Variants in TIFA observed in about 807,000 individuals in gnomAD.
TIFA encodes TRAF interacting protein with forkhead associated domain, also known as TRAF-interacting protein with FHA domain-containing protein A.
For missense variants in TIFA, 186 were observed against 215.2 expected, an observed-to-expected ratio of 0.86 and a Z score of 0.85; for synonymous variants, 75 against 79.2, an observed-to-expected ratio of 0.95 and a Z score of 0.28.
In TIFA at chr4:112,278,007, A is replaced by C; in HGVS notation, c.410T>G (p.Phe137Cys). 6.2e-7 allele frequency: 1 copy of C among 1,614,104 alleles called. No homozygotes were observed. Among genetic ancestry groups the C allele is most frequent in the South Asian group, 1.1e-5 (1 of 91,090 alleles). Residue 137 changes from phenylalanine to cysteine, a missense_variant, in exon 2 of 2, where the codon TTT becomes TGT. By Grantham distance (205) the Phe-to-Cys change is radical. Coordinates refer to ENST00000361717, the MANE Select transcript of TIFA (RefSeq NM_052864.3). ...TGGAGATAAAATAAATTGAGTCTCAAAAAATTCCAATGACTCGCCATCTTC... is the reference window on the plus strand; with the variant it reads ...TGGAGATAAAATAAATTGAGTCTCACAAAATTCCAATGACTCGCCATCTTC... ...EKEDGESLEF[F>C]ETQFILSPRS...
intron 1 of TIFA, among the ~76,000 whole-genome samples, chr4:112,284,474 G>C (rs1212029125): frequency 2.6e-5 from 4 of 152,154 alleles, no homozygotes; most frequent in Non-Finnish European, 4.4e-5. Flanking sequence ...CAGAAAGCTT[G>C]GCACCCCTGG....
intron 1 of TIFA, among the ~76,000 whole-genome samples, chr4:112,283,104 T>C (rs1245977389): frequency 1.3e-5 from 2 of 152,164 alleles, no homozygotes; most frequent in Non-Finnish European, 2.9e-5. Flanking sequence ...GCCCAGATCA[T>C]AAATCCAATG....
At position 112,277,946 on chromosome 4, in the gene TIFA, G is replaced by A; in HGVS notation, c.471C>T (p.His157=). ...AAGTGCCATACTCCGGTATGGGCCT[G>A]TGTGGTGGCCAGTTGTTTTCTTGCA... The part of the protein sequence containing the change: ...SLLQENNWPP[H]RPIPEYGTYS... Residue 157 remains histidine, a synonymous_variant, in exon 2 of 2, where the codon CAC becomes CAT. Transcript: ENST00000361717. The A allele has an allele frequency of 1.2e-6, 2 of 1,614,066 alleles. No individual in the cohort carries two copies. Among genetic ancestry groups the A allele is most frequent in the South Asian group, 1.1e-5 (1 of 91,080 alleles).
At chr4:112,284,034 A>T (rs1727273742) in intron 1 of TIFA, among the ~76,000 whole-genome samples, 1 of 152,206 alleles carries the variant, frequency 6.6e-6, no homozygotes, top group Non-Finnish European at 1.5e-5. Context: ...TAGAAATAAA[A>T]ATAAGCACTG....
Position 112,275,127 on chromosome 4 carries a change from T to G in TIFA, c.*2735A>C, listed in dbSNP as rs1727083855. 6.6e-6 allele frequency: 1 copy of G among 151,942 alleles called. No homozygotes were observed. Among genetic ancestry groups the G allele is most frequent in the Non-Finnish European group, 1.5e-5 (1 of 67,996 alleles). 9.4% of individuals were successfully genotyped at this position (151,942 alleles called of 1,614,324 possible). A position where few individuals can be genotyped will look rare whatever the true frequency, so the allele number is the denominator to read the frequency against. ...ACCATTTTTTTGAGAAAATGCTGTA[T>G]CTATCCACATGATCACTGACCAGAG... is the stretch of plus-strand genomic sequence containing the variant. On this transcript the variant is annotated 3_prime_UTR_variant, in exon 2 of 2. Coordinates refer to ENST00000361717, the MANE Select transcript of TIFA (RefSeq NM_052864.3).
At chr4:112,281,718 C>T (rs6533601) in intron 1 of TIFA, 88,446 of 151,906 alleles carry the variant, frequency 0.58, 26,840 homozygotes, top group African/African-American at 0.77. Context: ...TGTAGTTCCA[C>T]CTTCCCTCTT....
At position 112,277,386 on chromosome 4, in the gene TIFA, A is replaced by C. The variant is rs1391115074; in HGVS notation, c.*476T>G. 1.3e-5 allele frequency: 2 copies of C among 153,454 alleles called. No individual in the cohort carries two copies. Among genetic ancestry groups the C allele is most frequent in the African/African-American group, 4.8e-5 (2 of 41,454 alleles). The allele number at this position is 153,454 out of a possible 1,614,324, so 9.5% of individuals were successfully genotyped here. A position where few individuals can be genotyped will look rare whatever the true frequency, so the allele number is the denominator to read the frequency against. Reference sequence around the variant, plus strand: ...GCTAAAACCACAGTGACGCGCAGACACTAGCCTAGAACCTATTCCAGTACT... The same window carrying C: ...GCTAAAACCACAGTGACGCGCAGACCCTAGCCTAGAACCTATTCCAGTACT... On this transcript the variant is annotated 3_prime_UTR_variant, in exon 2 of 2. Transcript: ENST00000361717.
intron 1 of TIFA, chr4:112,281,870 T>C (rs1467110653): frequency 3.9e-5 from 6 of 152,222 alleles, no homozygotes; most frequent in Admixed American, 2.0e-4. Flanking sequence ...TGAGATTTTT[T>C]AGGTCATTTG....
At position 112,285,631 on chromosome 4, in the gene TIFA, C is replaced by T. The variant is rs1727310190; in HGVS notation, c.-19+9G>A. 1 of 152,284 alleles carries T rather than the reference C, an allele frequency of 6.6e-6. No homozygotes were observed. Among genetic ancestry groups the T allele is most frequent in the East Asian group, 1.9e-4 (1 of 5,164 alleles). The allele number at this position is 152,284 out of a possible 1,614,324, so 9.4% of individuals were successfully genotyped here. A position where few individuals can be genotyped will look rare whatever the true frequency, so the allele number is the denominator to read the frequency against. On this transcript the variant is annotated intron_variant, in intron 1 of 1. Transcript: ENST00000361717. ...CCACCTCACCCCCAGCCCGCCGCCC[C>T]GCAAGTACCTGGGGCTGGGGAGTCA...
intron 1 of TIFA, among the ~76,000 whole-genome samples, chr4:112,284,098 C>G (rs1428622256): frequency 6.6e-6 from 1 of 152,194 alleles, no homozygotes; most frequent in Non-Finnish European, 1.5e-5. Context: ...GATGCTGCAT[C>G]TTGAGTGTCC....
chr4:112,279,762 G>A (rs1430678910), intron 1 of TIFA, among the ~76,000 whole-genome samples: 1 of 151,762 alleles, frequency 6.6e-6, no homozygotes, highest in African/African-American at 2.4e-5. Flanking sequence ...CACCTCCCGG[G>A]TTCAAGCAAT....
intron 1 of TIFA, among the ~76,000 whole-genome samples, chr4:112,285,321 A>G (rs1432649691): frequency 6.6e-6 from 1 of 152,164 alleles, no homozygotes; most frequent in Non-Finnish European, 1.5e-5. Flanking sequence ...GCCACACTGC[A>G]TAAATGGCAT....
chr4:112,279,247 G>A (rs745306962), intron 1 of TIFA, among the ~76,000 whole-genome samples: 4 of 152,164 alleles, frequency 2.6e-5, no homozygotes, highest in Non-Finnish European at 4.4e-5. Flanking sequence ...CCGATGGCCC[G>A]AGGTGCCCTC....
At chr4:112,279,720 G>A (rs1727188888) in intron 1 of TIFA, among the ~76,000 whole-genome samples, 2 of 151,102 alleles carry the variant, frequency 1.3e-5, no homozygotes, top group African/African-American at 4.9e-5. Context: ...AGGCTGGAGT[G>A]CAATGGCGCA....
At chr4:112,281,728 T>G (rs1727231357) in intron 1 of TIFA, 1 of 95,868 alleles carries the variant, frequency 1.0e-5, no homozygotes, top group Admixed American at 1.0e-4. Context: ...CCTTCCCTCT[T>G]TCTTTTGTCA....
At chr4:112,279,796 A>G (rs1727190156) in intron 1 of TIFA, among the ~76,000 whole-genome samples, 2 of 151,904 alleles carry the variant, frequency 1.3e-5, no homozygotes, top group African/African-American at 4.8e-5. Flanking sequence ...CCTCCTGAGT[A>G]GCCGGGATTA....
Position 112,277,671 on chromosome 4 carries a change from C to T in TIFA, c.*191G>A. On this transcript the variant is annotated 3_prime_UTR_variant, in exon 2 of 2. Coordinates refer to ENST00000361717, the MANE Select transcript of TIFA (RefSeq NM_052864.3). ...GCAGTTAAAATAATTTTGTGTAGAT[C>T]CAGAATACAACAGGTGACTAAGTTA... 1 of 409,582 alleles carries T rather than the reference C, an allele frequency of 2.4e-6. No individual in the cohort carries two copies. Among genetic ancestry groups the T allele is most frequent in the Non-Finnish European group, 4.2e-6 (1 of 240,738 alleles). The allele number at this position is 409,582 out of a possible 1,614,324, so 25.4% of individuals were successfully genotyped here.
rs1236727820 is a variant in TIFA, at chr4:112,278,003, C to A, written c.414G>T (p.Glu138Asp). ...KEDGESLEFF[E>D]TQFILSPRSL... is the part of the protein sequence containing the mutation. ...ATCTTGGAGATAAAATAAATTGAGT[C>A]TCAAAAAATTCCAATGACTCGCCAT... The change falls in exon 2 of 2, where the codon GAG (glutamate) becomes GAT (aspartate). Residue 138 changes from glutamate to aspartate, a missense_variant. Transcript: ENST00000361717. The A allele has an allele frequency of 6.2e-7, 1 of 1,613,978 alleles. No homozygotes were observed. Among genetic ancestry groups the A allele is most frequent in the South Asian group, 1.1e-5 (1 of 91,072 alleles).
rs1192887263 is a variant in TIFA at position 112,275,111 on chromosome 4, T to G, written c.*2751A>C. 1 of 152,070 alleles carries G rather than the reference T, an allele frequency of 6.6e-6. No individual in the cohort carries two copies. Among genetic ancestry groups the G allele is most frequent in the Non-Finnish European group, 1.5e-5 (1 of 68,024 alleles). 9.4% of individuals were successfully genotyped at this position (152,070 alleles called of 1,614,324 possible). ...CACCCCCACCCCTGTGACCATTTTT[T>G]TGAGAAAATGCTGTATCTATCCACA... On this transcript the variant is annotated 3_prime_UTR_variant, in exon 2 of 2. Coordinates refer to ENST00000361717, the MANE Select transcript of TIFA (RefSeq NM_052864.3).
Sources: gnomAD v4.1 joint callset for allele counts (sites outside exome capture counted in the v4.1 genomes callset) on GRCh38, gnomAD v4.1.1 for gene constraint, MANE v1.5 for transcripts, NCBI Gene and HGNC (gene_info 2026-07-23, HGNC 2026-07-21) for gene names.